The following TTBK2 variants were observed in gnomAD, a reference collection of about 807,000 sequenced individuals.
TTBK2 encodes the protein tau-tubulin kinase 2.
TTBK2 carries 28 observed loss-of-function variants against 110.8 expected under a neutral mutation model. The ratio of observed to expected loss-of-function variants is 0.25; its 90% confidence interval spans 0.19 to 0.35. The LOEUF is 0.35. Ranked by LOEUF, TTBK2 falls within the 10% of genes least tolerant of loss-of-function variation. The probability of loss-of-function intolerance (pLI) is 1.00; values close to 1 mark genes in which losing one functional copy is unlikely to be tolerated. For synonymous variants in TTBK2, 532 were observed against 527.3 expected, an observed-to-expected ratio of 1.01 and a Z score of -0.12; for missense variants, 1,369 against 1,500.3, an observed-to-expected ratio of 0.91 and a Z score of 1.45.
intron 4 of TTBK2, among the ~76,000 whole-genome samples, chr15:42,838,892 T>C (rs191233678): frequency 5.9e-5 from 9 of 152,018 alleles, no homozygotes; most frequent in Non-Finnish European, 1.3e-4. Context: ...TTCTCCTCTA[T>C]CTCAACTACT....
rs146515654 is a variant in TTBK2 at position 42,753,036 on chromosome 15, A to G, written c.2210T>C (p.Ile737Thr). The change falls in exon 14 of 15, where the codon ATT (isoleucine) becomes ACT (threonine). Residue 737 changes from isoleucine (I) to threonine (T), a missense_variant. Transcript: ENST00000267890. ...AATGTTGGGTAACATGTCATGACCA[A>G]TGTGATCTATCTGAAGCCCCAAATC... ...RTDLGLQIDH[I>T]GHDMLPNIRE... 812 of 1,613,978 alleles carry G rather than the reference A, an allele frequency of 5.0e-4. 2 individuals carry two copies. In the African/African-American group the frequency reaches 8.8e-3, roughly 17 times the overall value.
chr15:42,834,838 C>T (rs539405725), intron 4 of TTBK2, among the ~76,000 whole-genome samples: 92 of 152,242 alleles, frequency 6.0e-4, no homozygotes, highest in Non-Finnish European at 1.2e-3. Flanking sequence ...GATCGTGCCA[C>T]TGCACTCCAG....
intron 6 of TTBK2, among the ~76,000 whole-genome samples, chr15:42,818,525 C>T (rs1267167727): frequency 6.6e-6 from 1 of 152,012 alleles, no homozygotes. Flanking sequence ...AGAGACCATC[C>T]TGGCTAACAC....
intron 2 of TTBK2, among the ~76,000 whole-genome samples, chr15:42,875,889 G>C (rs1185586600): frequency 8.0e-6 from 1 of 125,344 alleles, no homozygotes; most frequent in Non-Finnish European, 1.6e-5. Flanking sequence ...CTGGGCGACA[G>C]AGCAAGACTC....
upstream of TTBK2, chr15:42,920,894 G>A (rs2031339250): frequency 6.5e-6 from 1 of 152,732 alleles, no homozygotes; most frequent in Non-Finnish European, 1.5e-5. Flanking sequence ...TGATTGGAGA[G>A]TGCGTTCCGA....
intron 3 of TTBK2, among the ~76,000 whole-genome samples, chr15:42,841,913 C>G (rs1230021920): frequency 1.3e-5 from 2 of 152,094 alleles, no homozygotes; most frequent in Non-Finnish European, 2.9e-5. Flanking sequence ...ATTGTAAGTT[C>G]AGGCCTGGTG....
intron 11 of TTBK2, among the ~76,000 whole-genome samples, chr15:42,778,850 T>C (rs565329360): frequency 6.0e-4 from 92 of 152,318 alleles, no homozygotes; most frequent in African/African-American, 2.1e-3. Flanking sequence ...GAATGGCTGT[T>C]ATTTCCCAGA....
chr15:42,773,911 A>T (rs979877069), intron 13 of TTBK2, among the ~76,000 whole-genome samples: 20 of 152,210 alleles, frequency 1.3e-4, no homozygotes, highest in African/African-American at 4.8e-4. Flanking sequence ...CCCTGTGCCA[A>T]GATGCACAGT....
At chr15:42,854,086 T>C (rs950786340) in intron 3 of TTBK2, among the ~76,000 whole-genome samples, 1 of 151,968 alleles carries the variant, frequency 6.6e-6, no homozygotes, top group African/African-American at 2.4e-5. Flanking sequence ...CCGGCGCACA[T>C]GATTACAGCT....
At chr15:42,834,880 A>G (rs1300885596) in intron 4 of TTBK2, among the ~76,000 whole-genome samples, 1 of 152,222 alleles carries the variant, frequency 6.6e-6, no homozygotes, top group Non-Finnish European at 1.5e-5. Flanking sequence ...CCGTCTCAAA[A>G]AAATAAAACT....
rs191846275 is a variant in TTBK2 at position 42,848,149 on chromosome 15, G to A, written c.218-7716C>T. 5.7e-4 allele frequency among the ~76,000 whole-genome samples: 87 copies of A among 152,202 alleles called. 1 individual carries two copies. The highest frequency in any genetic ancestry group is 9.0e-4 in the Non-Finnish European group (61 of 68,004). ...ATGGAATGGCTCAAACTAATAACAT[G>A]CCTCACAAAGACATTTTTAATAAGA... On this transcript the variant is annotated intron_variant, in intron 3 of 14. Coordinates refer to ENST00000267890, the MANE Select transcript of TTBK2 (RefSeq NM_173500.4).
At chr15:42,903,281 T>C (rs1185042268) in intron 1 of TTBK2, among the ~76,000 whole-genome samples, 1 of 152,112 alleles carries the variant, frequency 6.6e-6, no homozygotes, top group Admixed American at 6.5e-5. Flanking sequence ...GAGGAGGTAT[T>C]GAAAATTAGT....
At chr15:42,818,237 G>T (rs1892124122) in intron 6 of TTBK2, among the ~76,000 whole-genome samples, 1 of 151,934 alleles carries the variant, frequency 6.6e-6, no homozygotes, top group Non-Finnish European at 1.5e-5. Flanking sequence ...CACTACATAG[G>T]GCTAATCTAT....
intron 1 of TTBK2, among the ~76,000 whole-genome samples, chr15:42,896,410 T>C (rs1320956029): frequency 6.6e-6 from 1 of 152,146 alleles, no homozygotes; most frequent in Non-Finnish European, 1.5e-5. Flanking sequence ...TGTATTTCCA[T>C]ATGTAAAAAA....
intron 1 of TTBK2, among the ~76,000 whole-genome samples, chr15:42,891,634 G>T (rs1895460577): frequency 1.3e-5 from 2 of 152,240 alleles, no homozygotes; most frequent in South Asian, 2.1e-4. Flanking sequence ...AAGTAGAGAA[G>T]CTCCCGTGCT....
intron 10 of TTBK2, among the ~76,000 whole-genome samples, chr15:42,794,282 A>G (rs946854302): frequency 1.3e-5 from 2 of 152,198 alleles, no homozygotes; most frequent in Non-Finnish European, 1.5e-5. Flanking sequence ...CTTTGTTCCC[A>G]CTAAACTTTG....
chr15:42,870,797 G>GCTGCAGTGAGC (rs1240419782), intron 3 of TTBK2, among the ~76,000 whole-genome samples: 13 of 151,102 alleles, frequency 8.6e-5, no homozygotes, highest in African/African-American at 3.2e-4. Flanking sequence ...AGAGGTGGAG[G>GCTGCAGTGAGC]CTGCAGTGAG....
At chr15:42,782,205 G>A (rs575843530) in intron 11 of TTBK2, among the ~76,000 whole-genome samples, 1 of 152,206 alleles carries the variant, frequency 6.6e-6, no homozygotes, top group South Asian at 2.1e-4. Flanking sequence ...CCAAGTAGCT[G>A]GGATTACAGG....
intron 6 of TTBK2, among the ~76,000 whole-genome samples, chr15:42,821,686 G>GTTTTTTTTTTTGTTTTTTTTTTTTTTTTT (rs869135370): frequency 8.1e-6 from 1 of 122,972 alleles, no homozygotes. Flanking sequence ...TTTGTTTTTT[G>GTTTTTTTTTTTGTTTTTTTTTTTTTTTTT]TTTTTTTTTT....
Sources: gnomAD v4.1 joint callset for allele counts (sites outside exome capture counted in the v4.1 genomes callset) on GRCh38, gnomAD v4.1.1 for gene constraint, MANE v1.5 for transcripts, NCBI Gene and HGNC (gene_info 2026-07-23, HGNC 2026-07-21) for gene names.